The following CNTN4 variants were observed in gnomAD, a reference collection of about 807,000 sequenced individuals.
CNTN4 encodes the protein contactin-4.
In CNTN4, 77 loss-of-function variants were observed where a neutral mutation model predicts 122.5. The observed-to-expected ratio is 0.63, with a 90% CI of 0.52 to 0.76. The LOEUF is 0.76. Among genes scored for constraint, CNTN4 ranks in the 30% least tolerant of loss-of-function variants. The pLI, the probability that CNTN4 is intolerant of heterozygous loss-of-function variation, is 0.00. For synonymous variants in CNTN4, 512 were observed against 447.0 expected (o/e 1.15, Z -1.83); for missense variants, 1,256 against 1,259.1 (o/e 1.00, Z 0.04).
At chr3:3,050,893 A>T (rs904792314) in intron 23 of CNTN4, among the ~76,000 whole-genome samples, 2 of 152,112 alleles carry the variant, frequency 1.3e-5, no homozygotes, top group Non-Finnish European at 2.9e-5. Context: ...CTCATCTTTG[A>T]AATCAGAATA....
intron 2 of CNTN4, among the ~76,000 whole-genome samples, chr3:2,201,092 G>A (rs918078179): frequency 1.3e-5 from 2 of 152,136 alleles, no homozygotes; most frequent in African/African-American, 2.4e-5. Context: ...GCAAAGGCAC[G>A]AATAGAGTAG....
intron 3 of CNTN4, among the ~76,000 whole-genome samples, chr3:2,545,591 T>A (rs2078210024): frequency 6.6e-6 from 1 of 152,058 alleles, no homozygotes; most frequent in Non-Finnish European, 1.5e-5. Flanking sequence ...ACTTATTGAA[T>A]TGAACCCTTT....
Position 2,711,532 on chromosome 3 carries a change from A to G in CNTN4, c.56-24683A>G, listed in dbSNP as rs535717906. On this transcript the variant is annotated intron_variant, in intron 4 of 24. Transcript: ENST00000418658. ...TTTTCTGAAGGAAGAAGGAGGGAAG[A>G]AGAACATCAAGAATTGGAGGACATT... 4.3e-3 allele frequency among the ~76,000 whole-genome samples: 651 copies of G among 152,354 alleles called. 3 individuals carry two copies. Among genetic ancestry groups the G allele is most frequent in the Non-Finnish European group, 7.7e-3 (524 of 68,040 alleles).
At chr3:2,489,364 T>C (rs1468445010) in intron 3 of CNTN4, among the ~76,000 whole-genome samples, 1 of 152,196 alleles carries the variant, frequency 6.6e-6, no homozygotes, top group Non-Finnish European at 1.5e-5. Context: ...CCCATTTTAC[T>C]TATTTGAATG....
intron 2 of CNTN4, among the ~76,000 whole-genome samples, chr3:2,274,831 C>G (rs1011645818): frequency 6.6e-6 from 1 of 152,028 alleles, no homozygotes; most frequent in African/African-American, 2.4e-5. Flanking sequence ...AACCCATGTC[C>G]CTGTGATAAG....
intron 6 of CNTN4, among the ~76,000 whole-genome samples, chr3:2,789,301 C>T (rs536324273): frequency 1.3e-5 from 2 of 152,134 alleles, no homozygotes; most frequent in African/African-American, 2.4e-5. Context: ...GGAGCACTTG[C>T]AAGAATTGAA....
At chr3:2,354,499 G>C (rs1407287254) in intron 3 of CNTN4, among the ~76,000 whole-genome samples, 1 of 152,132 alleles carries the variant, frequency 6.6e-6, no homozygotes, top group African/African-American at 2.4e-5. Flanking sequence ...CCACTGCACT[G>C]CAGCCTGGGT....
chr3:2,747,650 C>A (rs1269536835), intron 6 of CNTN4, among the ~76,000 whole-genome samples: 1 of 152,072 alleles, frequency 6.6e-6, no homozygotes, highest in Non-Finnish European at 1.5e-5. Context: ...AAAAGCTCTA[C>A]CACTCAGTTC....
chr3:2,450,658 T>C (rs1470268678), intron 3 of CNTN4, among the ~76,000 whole-genome samples: 1 of 152,156 alleles, frequency 6.6e-6, no homozygotes, highest in African/African-American at 2.4e-5. Flanking sequence ...CAAATGCCAC[T>C]CAAGGTTTTA....
At chr3:2,933,098 A>AGGTG (rs2094538702) in intron 13 of CNTN4, among the ~76,000 whole-genome samples, 1 of 152,168 alleles carries the variant, frequency 6.6e-6, no homozygotes. Flanking sequence ...CTGGGATTAC[A>AGGTG]GGTGTGAGCC....
intron 3 of CNTN4, among the ~76,000 whole-genome samples, chr3:2,538,272 A>G (rs1463790361): frequency 6.6e-6 from 1 of 152,100 alleles, no homozygotes; most frequent in African/African-American, 2.4e-5. Flanking sequence ...CTTTGATCTC[A>G]GACTTCTAGT....
chr3:2,890,185 G>A (rs1381215946), intron 10 of CNTN4, among the ~76,000 whole-genome samples: 1 of 152,164 alleles, frequency 6.6e-6, no homozygotes, highest in Admixed American at 6.5e-5. Context: ...TAGCACATCA[G>A]TGACAAAAAT....
intron 4 of CNTN4, among the ~76,000 whole-genome samples, chr3:2,609,642 G>T (rs2081398366): frequency 1.3e-5 from 2 of 152,050 alleles, no homozygotes; most frequent in South Asian, 4.1e-4. Context: ...GCTGAAAAAT[G>T]AGTTTTAGTT....
rs1574867928 is a variant in CNTN4 at position 3,030,033 on chromosome 3, C to T, written c.1663-822C>T. Among the ~76,000 whole-genome samples the T allele has an allele frequency of 2.0e-5, 3 of 152,076 alleles. No homozygotes were observed. The South Asian group carries it at 6.2e-4, about 32-fold the overall frequency. ...GGGTTTAGAATGAAGTGTACTTTTT[C>T]AAATCTGGCCTCTAGGGTGGTCTCT... is the stretch of plus-strand genomic sequence containing the variant. On this transcript the variant is annotated intron_variant, in intron 15 of 24. Transcript: ENST00000418658.
chr3:2,724,308 C>T (rs926710603), intron 4 of CNTN4, among the ~76,000 whole-genome samples: 2 of 152,142 alleles, frequency 1.3e-5, no homozygotes, highest in African/African-American at 2.4e-5. Context: ...CAGGAAGAAC[C>T]GTATCTGGAG....
At chr3:2,579,514 A>G (rs956728702) in intron 4 of CNTN4, among the ~76,000 whole-genome samples, 3 of 145,074 alleles carry the variant, frequency 2.1e-5, no homozygotes, top group African/African-American at 7.7e-5. Flanking sequence ...AAGGTACATC[A>G]TCTCCCTAGG....
chr3:2,799,101 A>C (rs1424220127), intron 6 of CNTN4, among the ~76,000 whole-genome samples: 1 of 152,108 alleles, frequency 6.6e-6, no homozygotes, highest in African/African-American at 2.4e-5. Context: ...GTGATGTTGA[A>C]CATTTTTTCA....
At chr3:2,646,966 T>G (rs533875507) in intron 4 of CNTN4, among the ~76,000 whole-genome samples, 1 of 152,326 alleles carries the variant, frequency 6.6e-6, no homozygotes, top group East Asian at 1.9e-4. Flanking sequence ...AGCATGAAAT[T>G]TGGGGAAACA....
At chr3:2,396,424 T>C (rs981159880) in intron 3 of CNTN4, among the ~76,000 whole-genome samples, 11 of 152,182 alleles carry the variant, frequency 7.2e-5, no homozygotes, top group Non-Finnish European at 1.3e-4. Flanking sequence ...ATGAAAACAG[T>C]TGGGGGAATC....
Sources: allele counts gnomAD v4.1 joint callset (sites outside exome capture counted in the v4.1 genomes callset), GRCh38; gene constraint gnomAD v4.1.1; transcripts MANE v1.5; gene names NCBI Gene and HGNC (gene_info 2026-07-23, HGNC 2026-07-21).